The following RBM19 variants were observed in gnomAD, a reference collection of about 807,000 sequenced individuals.
The protein encoded by RBM19 is probable RNA-binding protein 19.
RBM19 carries 94 observed loss-of-function variants against 116.8 expected under a neutral mutation model. The observed-to-expected ratio is 0.80, with a 90% CI of 0.68 to 0.95. The LOEUF (loss-of-function observed/expected upper bound fraction) is 0.95, where lower values mean the gene tolerates loss of function less well. Ranked by LOEUF, RBM19 falls within the 40% of genes least tolerant of loss-of-function variation. The pLI is 0.00. For missense variants in RBM19, 1,161 were observed against 1,220.7 expected (o/e 0.95, Z 0.73); for synonymous variants, 475 against 494.1 (o/e 0.96, Z 0.51).
chr12:113,946,881 A>C (rs1229076697), intron 11 of RBM19, among the ~76,000 whole-genome samples: 1 of 152,214 alleles, frequency 6.6e-6, no homozygotes, highest in Non-Finnish European at 1.5e-5. Context: ...GAAAAGGAAA[A>C]AGGGTGATGA....
downstream of RBM19, chr12:113,817,930 TAA>T (rs1332023770): frequency 6.6e-6 from 1 of 151,840 alleles, no homozygotes; most frequent in Non-Finnish European, 1.5e-5. Flanking sequence ...CCCTGTCTAC[TAA>T]AAATACAAAA....
rs1157298910 is a variant in RBM19 at position 113,962,426 on chromosome 12, G to A, written c.37-12C>T. ...CGCTCCTCCTTCATCTAGGACAGAG[G>A]GAAAGGAATGAGAGACGAACTGGAA... is the stretch of plus-strand genomic sequence containing the variant. On this transcript the variant is annotated splice_polypyrimidine_tract_variant and intron_variant, in intron 1 of 23. Transcript: ENST00000261741. 1 of 1,610,076 alleles carries A rather than the reference G, an allele frequency of 6.2e-7. No individual in the cohort carries two copies. Among genetic ancestry groups the A allele is most frequent in the Non-Finnish European group, 8.5e-7 (1 of 1,176,602 alleles).
chr12:113,902,660 A>G (rs1881775646), intron 21 of RBM19, among the ~76,000 whole-genome samples: 2 of 150,934 alleles, frequency 1.3e-5, no homozygotes, highest in Admixed American at 6.6e-5. Flanking sequence ...TCATCTTTTC[A>G]GGATTATTTT....
intron 14 of RBM19, among the ~76,000 whole-genome samples, chr12:113,940,944 T>A (rs370043092): frequency 2.0e-5 from 3 of 152,242 alleles, no homozygotes; most frequent in Admixed American, 6.5e-5. Context: ...AATGGGTTAG[T>A]AAAAGTACAT....
At chr12:113,844,963 T>C (rs1308634725) in intron 22 of RBM19, among the ~76,000 whole-genome samples, 175 bp from the exon 23 acceptor site, 1 of 152,170 alleles carries the variant, frequency 6.6e-6, no homozygotes, top group African/African-American at 2.4e-5. Flanking sequence ...ATTTAATTAG[T>C]GGGTTGCATT....
chr12:113,921,611 C>A (rs978905908), intron 18 of RBM19, among the ~76,000 whole-genome samples: 5 of 152,224 alleles, frequency 3.3e-5, no homozygotes, highest in African/African-American at 1.2e-4. Flanking sequence ...TAAGAGCCAA[C>A]TGCATTAAGG....
chr12:113,945,937 GGCAGAA>G lies in RBM19; in HGVS notation c.1530-19_1530-14del. The G allele has an allele frequency of 6.5e-7, 1 of 1,537,926 alleles. No individual in the cohort carries two copies. Among genetic ancestry groups the G allele is most frequent in the Non-Finnish European group, 9.0e-7 (1 of 1,111,202 alleles). The stretch of plus-strand genomic sequence containing the variant: ...CCAGTTGTGAGAGCTAAGAGGCAGA[GGCAGAA>G]CAGGGAGATCAGACCGCAGCTGGAT... On this transcript the variant is annotated splice_polypyrimidine_tract_variant and intron_variant, in intron 12 of 23. Transcript: ENST00000261741.
intron 15 of RBM19, chr12:113,937,358 A>C: frequency 2.4e-6 from 1 of 410,300 alleles, no homozygotes; most frequent in Non-Finnish European, 4.3e-6. Context: ...GAGAGGCTTT[A>C]GTCTCTGTTG....
intron 14 of RBM19, among the ~76,000 whole-genome samples, chr12:113,941,639 TC>T (rs1870583988): frequency 7.2e-6 from 1 of 139,272 alleles, no homozygotes; most frequent in Non-Finnish European, 1.5e-5. Context: ...TCATCCACCA[TC>T]CATATTCATC....
chr12:113,884,440 T>C (rs1880391902), intron 21 of RBM19, among the ~76,000 whole-genome samples: 1 of 152,162 alleles, frequency 6.6e-6, no homozygotes, highest in Non-Finnish European at 1.5e-5. Context: ...TTTTTAGTTG[T>C]CATTTTTTGG....
Position 113,920,617 on chromosome 12 carries a change from C to T in RBM19, c.2379G>A (p.Gln793=), listed in dbSNP as rs747514683. Residue 793 remains glutamine (Q), a synonymous_variant, in exon 19 of 24, where the codon CAG becomes CAA. Transcript: ENST00000261741. ...KPEQAQKALK[Q]LQGHVVDGHK... The stretch of plus-strand genomic sequence containing the variant: ...CTGAGAATCTTCACTTTACCTGGAG[C>T]TGCTTGAGAGCTTTCTGGGCTTGCT... 6.2e-7 allele frequency: 1 copy of T among 1,613,966 alleles called. No individual in the cohort carries two copies. The highest frequency in any genetic ancestry group is 8.5e-7 in the Non-Finnish European group (1 of 1,179,838).
Position 113,948,991 on chromosome 12 carries a change from G to T in RBM19, c.1118C>A (p.Thr373Asn). 6.2e-7 allele frequency: 1 copy of T among 1,614,164 alleles called. No individual in the cohort carries two copies. The highest frequency in any genetic ancestry group is 8.5e-7 in the Non-Finnish European group (1 of 1,180,010). Residue 373 changes from threonine to asparagine, a missense_variant, in exon 10 of 24, where the codon ACC (threonine) becomes AAC (asparagine). By Grantham distance (65) the Thr-to-Asn change is moderately conservative (BLOSUM62 0). Coordinates refer to ENST00000261741, the MANE Select transcript of RBM19 (RefSeq NM_016196.4). ...GGTGGTATTCTTTGGTGCACCCTTGGTGGTGGGGACGTTCTTTTCCCTGAA... is the reference window on the plus strand; with the variant it reads ...GGTGGTATTCTTTGGTGCACCCTTGTTGGTGGGGACGTTCTTTTCCCTGAA... ...EVFREKNVPT[T>N]KGAPKNTTKS...
In RBM19 at chr12:113,959,222, C is replaced by A; in HGVS notation, c.561G>T (p.Glu187Asp). The change falls in exon 5 of 24, where the codon GAG becomes GAT. Residue 187 changes from glutamate to aspartate, a missense_variant. Transcript: ENST00000261741. ...GQESEEEGAG[E>D]DLEEEASLEP... ...TCCCCATGCCCTCACCTTCCAGGTC[C>A]TCCCCGGCTCCCTCCTCCTCACTCT... 1 of 1,610,506 alleles carries A rather than the reference C, an allele frequency of 6.2e-7. No individual in the cohort carries two copies. Among genetic ancestry groups the A allele is most frequent in the African/African-American group, 1.3e-5 (1 of 74,980 alleles).
chr12:113,960,340 C>T (rs1401098045), intron 2 of RBM19, among the ~76,000 whole-genome samples, 162 bp from the exon 3 acceptor site: 1 of 152,214 alleles, frequency 6.6e-6, no homozygotes, highest in Admixed American at 6.5e-5. Flanking sequence ...CTTTCTTTCC[C>T]TTCAAGTCTA....
At chr12:113,942,198 A>G in intron 14 of RBM19, 126 bp downstream of exon 14, 1 of 806,266 alleles carries the variant, frequency 1.2e-6, no homozygotes. Flanking sequence ...TTCTTTAGAG[A>G]CAATTTAGAA....
At position 113,903,754 on chromosome 12, in the gene RBM19, G is replaced by T. The variant is rs1455674340; in HGVS notation, c.2558+11215C>A. Among the ~76,000 whole-genome samples the T allele has an allele frequency of 6.6e-6, 1 of 152,100 alleles. No homozygotes were observed. The highest frequency in any genetic ancestry group is 1.5e-5 in the Non-Finnish European group (1 of 68,024). On this transcript the variant is annotated intron_variant, in intron 21 of 23. Coordinates refer to ENST00000261741, the MANE Select transcript of RBM19 (RefSeq NM_016196.4). The surrounding 1 kb of genome is among the most constrained non-coding windows in gnomAD (Gnocchi z 5.1). ...AGTCAGAGCCCTGAATATTCCTCTTGGGCATTCCTTTTGTAGGCTGGCCAA... is the reference window on the plus strand; with the variant it reads ...AGTCAGAGCCCTGAATATTCCTCTTTGGCATTCCTTTTGTAGGCTGGCCAA...
intron 23 of RBM19, among the ~76,000 whole-genome samples, chr12:113,842,613 C>T (rs1876590568): frequency 6.6e-6 from 1 of 152,224 alleles, no homozygotes; most frequent in East Asian, 1.9e-4. Flanking sequence ...CACGACACAG[C>T]CCCCATGTGG....
At chr12:113,927,609 A>C (rs941884891) in intron 16 of RBM19, among the ~76,000 whole-genome samples, 198 of 89,486 alleles carry the variant, frequency 2.2e-3, no homozygotes, top group African/African-American at 6.7e-3. Flanking sequence ...AAAAAACAAA[A>C]AAAAAAAAAC....
chr12:113,819,655 T>G (rs1168181943), downstream of RBM19, among the ~76,000 whole-genome samples: 4 of 152,190 alleles, frequency 2.6e-5, no homozygotes, highest in African/African-American at 9.7e-5. Context: ...AAAGCTCCCG[T>G]GTCCCCCTCC....
Sources: allele counts gnomAD v4.1 joint callset (sites outside exome capture counted in the v4.1 genomes callset), GRCh38; gene constraint gnomAD v4.1.1; non-coding constraint Gnocchi (gnomAD v3.1); transcripts MANE v1.5; gene names NCBI Gene and HGNC (gene_info 2026-07-23, HGNC 2026-07-21).